The following PDZD2 variants were observed in gnomAD, a reference collection of about 807,000 sequenced individuals.
The protein encoded by PDZD2 is PDZ domain containing 2.
PDZD2 carries 90 observed loss-of-function variants against 220.7 expected under a neutral mutation model. The ratio of observed to expected loss-of-function variants is 0.41; its 90% CI spans 0.34 to 0.49. The LOEUF (loss-of-function observed/expected upper bound fraction) is 0.49, where lower values mean the gene tolerates loss of function less well. PDZD2 is among the 20% of genes least tolerant of loss of function. PDZD2 has a pLI of 0.28. For synonymous variants in PDZD2, 1,375 were observed against 1,450.5 expected, an observed-to-expected ratio of 0.95 and a Z score of 1.18; for missense variants, 3,174 against 3,608.5, an observed-to-expected ratio of 0.88 and a Z score of 3.08.
At chr5:31,909,295 T>G (rs927527294) in intron 2 of PDZD2, 1 of 152,390 alleles carries the variant, frequency 6.6e-6, no homozygotes, top group African/African-American at 2.4e-5. Context: ...CATCTTGAGC[T>G]CTTCATTTAT....
At chr5:32,026,195 G>A (rs900109807) in intron 6 of PDZD2, among the ~76,000 whole-genome samples, 1 of 149,336 alleles carries the variant, frequency 6.7e-6, no homozygotes, top group African/African-American at 2.5e-5. Flanking sequence ...AGAGTGCAGT[G>A]GCACAATCTT....
intron 2 of PDZD2, among the ~76,000 whole-genome samples, chr5:31,860,889 G>A (rs1239503384): frequency 1.3e-5 from 2 of 152,180 alleles, no homozygotes; most frequent in Non-Finnish European, 2.9e-5. Flanking sequence ...TTGGCCCTCA[G>A]TAGCAGCCCA....
chr5:31,734,001 G>T (rs1749692444), intron 1 of PDZD2, among the ~76,000 whole-genome samples: 2 of 152,172 alleles, frequency 1.3e-5, no homozygotes, highest in Admixed American at 1.3e-4. Context: ...ATACCAATAT[G>T]AAGTCCCAGG....
chr5:31,968,353 G>A (rs1748953705), intron 2 of PDZD2, among the ~76,000 whole-genome samples: 1 of 151,934 alleles, frequency 6.6e-6, no homozygotes, highest in Middle Eastern at 3.2e-3. Context: ...GTGAGACTGT[G>A]TCTCAAAAAC....
At chr5:31,696,690 C>G (rs1258481358) in intron 1 of PDZD2, among the ~76,000 whole-genome samples, 1 of 152,140 alleles carries the variant, frequency 6.6e-6, no homozygotes, top group Non-Finnish European at 1.5e-5. Context: ...TGCTGTCTTT[C>G]AAAAAGGATA....
At chr5:31,964,231 G>A (rs1748510578) in intron 2 of PDZD2, among the ~76,000 whole-genome samples, 1 of 152,182 alleles carries the variant, frequency 6.6e-6, no homozygotes, top group African/African-American at 2.4e-5. Context: ...GACTGAGAAA[G>A]GAACTAACGG....
intron 5 of PDZD2, among the ~76,000 whole-genome samples, chr5:32,003,338 A>ACACACACCACC (rs1752496025): frequency 2.2e-5 from 1 of 44,692 alleles, no homozygotes; most frequent in Non-Finnish European, 4.1e-5. Flanking sequence ...CCCCCACCAC[A>ACACACACCACC]CCACACACAC....
At chr5:31,989,428 T>TTTTTTTTTTTTTTTTTATTTATTTATTTA (rs1561277993) in intron 3 of PDZD2, among the ~76,000 whole-genome samples, 53 of 146,516 alleles carry the variant, frequency 3.6e-4, no homozygotes, top group African/African-American at 1.2e-3. Flanking sequence ...TTTCTTTTTT[T>TTTTTTTTTTTTTTTTTATTTATTTATTTA]TTTTTTTTTT....
chr5:31,885,923 T>G (rs1307700980), intron 2 of PDZD2, among the ~76,000 whole-genome samples: 2 of 149,830 alleles, frequency 1.3e-5, no homozygotes, highest in Non-Finnish European at 3.0e-5. Context: ...TTTTTTGGTT[T>G]TTTTTTTTAA....
chr5:31,752,972 G>A (rs2877217), intron 1 of PDZD2, among the ~76,000 whole-genome samples: 4 of 152,060 alleles, frequency 2.6e-5, no homozygotes, highest in African/African-American at 7.2e-5. Flanking sequence ...CTCCTCCAAG[G>A]CCAGCACAGC....
chr5:31,927,446 A>C (rs1269405167), intron 2 of PDZD2, among the ~76,000 whole-genome samples: 1 of 152,066 alleles, frequency 6.6e-6, no homozygotes, highest in African/African-American at 2.4e-5. Context: ...GTGCAGTGGC[A>C]CTATCTCGCT....
chr5:31,880,791 CTTTTTTTTTTTTTTTTTT>C (rs1037018187), intron 2 of PDZD2, among the ~76,000 whole-genome samples: 1 of 76,486 alleles, frequency 1.3e-5, no homozygotes, highest in East Asian at 3.6e-4. Flanking sequence ...TTTTTTTTTT[CTTTTTTTTTTTTTTTTTT>C]TTTTTTTTTG....
rs73061709 is a variant in PDZD2, at chr5:32,085,951, C to T, written c.3683-1180C>T. On this transcript the variant is annotated intron_variant, in intron 19 of 24. Coordinates refer to ENST00000438447, the MANE Select transcript of PDZD2 (RefSeq NM_178140.4). The stretch of plus-strand genomic sequence containing the variant: ...ACTTTGGGTAGTATGGACATTTTAA[C>T]GGTACTCTTCCATTGTCTTCCTTAC... Among the ~76,000 whole-genome samples, 1,391 of 151,806 alleles carry T rather than the reference C, an allele frequency of 9.2e-3. 22 individuals carry two copies. The highest frequency in any genetic ancestry group is 0.031 in the African/African-American group (1,283 of 41,362).
At chr5:31,647,982 CA>C (rs1427655509) in intron 1 of PDZD2, among the ~76,000 whole-genome samples, 82 of 152,166 alleles carry the variant, frequency 5.4e-4, no homozygotes, top group Non-Finnish European at 8.1e-4. Context: ...CGTGATTGTT[CA>C]CGGTATGAAT....
intron 1 of PDZD2, among the ~76,000 whole-genome samples, chr5:31,653,387 C>T (rs1228647573): frequency 6.6e-6 from 1 of 151,872 alleles, no homozygotes; most frequent in Non-Finnish European, 1.5e-5. Flanking sequence ...AGATTAGCAT[C>T]AGATTGGCAC....
chr5:32,106,959 T>C (rs888893733), intron 24 of PDZD2, among the ~76,000 whole-genome samples: 8 of 152,220 alleles, frequency 5.3e-5, no homozygotes, highest in Admixed American at 5.2e-4. Context: ...CTGGATTTCT[T>C]CCAAGCTGTA....
chr5:31,779,228 T>G (rs1408833798), intron 1 of PDZD2, among the ~76,000 whole-genome samples: 1 of 152,122 alleles, frequency 6.6e-6, no homozygotes, highest in Non-Finnish European at 1.5e-5. Context: ...GCCTGTTGCA[T>G]CAACATACCA....
intron 2 of PDZD2, among the ~76,000 whole-genome samples, chr5:31,930,864 G>GT (rs1276901744): frequency 1.3e-5 from 2 of 152,148 alleles, no homozygotes; most frequent in African/African-American, 4.8e-5. Context: ...GAGGTCAGGA[G>GT]TGAGAGAGAC....
At chr5:31,681,202 G>A (rs1190928302) in intron 1 of PDZD2, among the ~76,000 whole-genome samples, 6 of 152,114 alleles carry the variant, frequency 3.9e-5, no homozygotes, top group Admixed American at 1.3e-4. Context: ...AAAGGCTTAT[G>A]ACTGTTGATT....
Sources: gnomAD v4.1 joint callset for allele counts (sites outside exome capture counted in the v4.1 genomes callset) on GRCh38, gnomAD v4.1.1 for gene constraint, MANE v1.5 for transcripts, NCBI Gene and HGNC (gene_info 2026-07-23, HGNC 2026-07-21) for gene names.